LRP11: variants seen among roughly 807,000 people sequenced by gnomAD.
LRP11 encodes LDL receptor related protein 11, also known as low-density lipoprotein receptor-related protein 11.
In LRP11, 25 loss-of-function variants were observed where a neutral mutation model predicts 43.1. The ratio of observed to expected loss-of-function variants is 0.58; its 90% CI spans 0.42 to 0.81. LRP11 has a LOEUF of 0.81. Among genes scored for constraint, LRP11 ranks in the 30% least tolerant of loss-of-function variants. The pLI is 0.00. For missense variants in LRP11, 623 were observed against 665.1 expected (o/e 0.94, Z 0.70); for synonymous variants, 316 against 299.4 (o/e 1.06, Z -0.57).
In LRP11 at chr6:149,837,405, G is replaced by A. The variant is rs1057068099; in HGVS notation, c.972C>T (p.Asp324=). The A allele has an allele frequency of 1.2e-6, 2 of 1,614,020 alleles. No individual in the cohort carries two copies. The highest frequency in any genetic ancestry group is 1.3e-5 in the African/African-American group (1 of 74,912). Residue 324 remains aspartate, a synonymous_variant, in exon 4 of 7, where the codon GAC becomes GAT. Transcript: ENST00000239367. ...GCACTCCATCGCAGGCGAGCGTGAT[G>A]TCAATGCAGCAGCCATCGTCACAGA... ...HFFCDDGCCI[D]ITLACDGVQQ... is the part of the protein sequence containing the mutation.
rs1776698018 is a variant in LRP11 at position 149,850,176 on chromosome 6, A to C, written c.771+2827T>G. 2.6e-5 allele frequency among the ~76,000 whole-genome samples: 4 copies of C among 152,340 alleles called. No individual in the cohort carries two copies. The South Asian group carries it at 8.3e-4, about 32-fold the overall frequency. ...GGCATCCAATAACAGGTTTTAACTT[A>C]ACTATTTTGCTGTGTGACTGCCCTC... On this transcript the variant is annotated intron_variant, in intron 2 of 6. Transcript: ENST00000239367.
chr6:149,819,220 G>A lies in LRP11; in HGVS notation c.*1329C>T, dbSNP rs1776247262. On this transcript the variant is annotated 3_prime_UTR_variant, in exon 7 of 7. Transcript: ENST00000239367. Reference sequence around the variant, plus strand: ...ACCCGAATTAAACCCTTTGTTAAAAGAACAACCTACTTTAGGTTCAGTCTA... The same window carrying A: ...ACCCGAATTAAACCCTTTGTTAAAAAAACAACCTACTTTAGGTTCAGTCTA... The A allele has an allele frequency of 6.6e-6, 1 of 152,036 alleles. No individual in the cohort carries two copies. 9.4% of individuals were successfully genotyped at this position (152,036 alleles called of 1,614,324 possible). A position where few individuals can be genotyped will look rare whatever the true frequency, so the allele number is the denominator to read the frequency against.
intron 3 of LRP11, among the ~76,000 whole-genome samples, chr6:149,841,028 T>G (rs536601830): frequency 6.6e-6 from 1 of 152,326 alleles, no homozygotes; most frequent in African/African-American, 2.4e-5. Context: ...GTGCCTGTCC[T>G]GTCTGTGAAT....
At chr6:149,845,202 G>A (rs1178487105) in intron 2 of LRP11, among the ~76,000 whole-genome samples, 1 of 152,162 alleles carries the variant, frequency 6.6e-6, no homozygotes, top group African/African-American at 2.4e-5. Flanking sequence ...GATCAAATAA[G>A]GTAACTCATG....
intron 5 of LRP11, among the ~76,000 whole-genome samples, chr6:149,828,684 T>G (rs1340877496): frequency 6.6e-6 from 1 of 151,942 alleles, no homozygotes; most frequent in Non-Finnish European, 1.5e-5. Flanking sequence ...GAGATGGGGT[T>G]TTGCCATGTT....
intron 5 of LRP11, among the ~76,000 whole-genome samples, chr6:149,833,378 G>A (rs1035557095): frequency 6.6e-6 from 1 of 152,096 alleles, no homozygotes; most frequent in South Asian, 2.1e-4. Context: ...AGGATGTGAG[G>A]GCTCTTTCTA....
intron 3 of LRP11, among the ~76,000 whole-genome samples, chr6:149,839,608 T>G (rs971178765): frequency 2.6e-5 from 4 of 152,372 alleles, no homozygotes; most frequent in African/African-American, 9.6e-5. Context: ...TTTTTGATCA[T>G]GCATCCTGAT....
Position 149,864,128 on chromosome 6 carries a change from C to A in LRP11, c.-108G>T. The A allele has an allele frequency of 1.7e-6, 2 of 1,173,168 alleles. No homozygotes were observed. The highest frequency in any genetic ancestry group is 2.1e-6 in the Non-Finnish European group (2 of 951,352). The allele number at this position is 1,173,168 out of a possible 1,614,324, so 72.7% of individuals were successfully genotyped here. On this transcript the variant is annotated 5_prime_UTR_variant, in exon 1 of 7. Coordinates refer to ENST00000239367, the MANE Select transcript of LRP11 (RefSeq NM_032832.6). The stretch of plus-strand genomic sequence containing the variant: ...GCCCCTCCTGCGCGGCCGCGGCTGG[C>A]TCTAGGCCCCGGCCTCACAGCGCGG...
intron 6 of LRP11, among the ~76,000 whole-genome samples, chr6:149,825,655 G>C (rs1019863545): frequency 1.6e-5 from 2 of 127,914 alleles, no homozygotes; most frequent in African/African-American, 7.2e-5. Flanking sequence ...GGGTAAGTGA[G>C]AATTTTTTTT....
intron 1 of LRP11, among the ~76,000 whole-genome samples, chr6:149,860,699 A>G (rs1195937312): frequency 6.6e-6 from 1 of 152,072 alleles, no homozygotes; most frequent in Non-Finnish European, 1.5e-5. Flanking sequence ...CTCAGTCACT[A>G]CAAGACACCT....
chr6:149,842,679 G>T (rs1277414128), intron 3 of LRP11: 1 of 1,550,978 alleles, frequency 6.4e-7, no homozygotes, highest in Non-Finnish European at 8.7e-7. Context: ...CCATCCATCT[G>T]TAAACAAAGT....
At chr6:149,821,114 A>G (rs1418106577) in intron 6 of LRP11, among the ~76,000 whole-genome samples, 1 of 152,002 alleles carries the variant, frequency 6.6e-6, no homozygotes, top group Non-Finnish European at 1.5e-5. Context: ...TATTTTTAGT[A>G]GAGATGGGGT....
intron 3 of LRP11, among the ~76,000 whole-genome samples, chr6:149,842,342 A>G (rs1016740385): frequency 2.0e-5 from 3 of 152,158 alleles, no homozygotes; most frequent in Non-Finnish European, 2.9e-5. Flanking sequence ...GCATTGTGGA[A>G]TGATTACATC....
intron 1 of LRP11, among the ~76,000 whole-genome samples, chr6:149,855,693 A>G (rs1005568475): frequency 2.3e-5 from 3 of 132,556 alleles, no homozygotes; most frequent in Non-Finnish European, 4.6e-5. Flanking sequence ...CAAAGGGAAG[A>G]TGCCTTTTTT....
At chr6:149,836,640 C>T (rs1562439512) in intron 4 of LRP11, among the ~76,000 whole-genome samples, 1 of 152,034 alleles carries the variant, frequency 6.6e-6, no homozygotes, top group Non-Finnish European at 1.5e-5. Context: ...GGCAAAACCC[C>T]ATCTCTACAA....
intron 1 of LRP11, among the ~76,000 whole-genome samples, chr6:149,855,207 G>A (rs147350183): frequency 6.6e-6 from 1 of 152,318 alleles, no homozygotes; most frequent in East Asian, 1.9e-4. Context: ...TGGTGCCTGA[G>A]TACAAGGCCT....
In LRP11 at chr6:149,864,113, C is replaced by T. The variant is rs1776997039; in HGVS notation, c.-93G>A. ...GAGCGCGGGCCCTGGGCCCCTCCTGCGCGGCCGCGGCTGGCTCTAGGCCCC... is the reference window on the plus strand; with the variant it reads ...GAGCGCGGGCCCTGGGCCCCTCCTGTGCGGCCGCGGCTGGCTCTAGGCCCC... On this transcript the variant is annotated 5_prime_UTR_variant, in exon 1 of 7. Transcript: ENST00000239367. 7.6e-6 allele frequency: 9 copies of T among 1,188,442 alleles called. No homozygotes were observed. Among genetic ancestry groups the T allele is most frequent in the Non-Finnish European group, 8.3e-6 (8 of 961,462 alleles). The allele number at this position is 1,188,442 out of a possible 1,614,324, so 73.6% of individuals were successfully genotyped here.
Position 149,863,653 on chromosome 6 carries a change from G to A in LRP11, c.368C>T (p.Ala123Val), listed in dbSNP as rs1447045592. The change falls in exon 1 of 7, where the codon GCC (alanine) becomes GTC (valine). Residue 123 changes from alanine (A) to valine (V), a missense_variant. Ala to Val is a moderately conservative substitution (Grantham distance 64). Transcript: ENST00000239367. Reference protein sequence around the residue: ...AGASFLRAPAAVRGWRQCVAA... With the variant: ...AGASFLRAPAVVRGWRQCVAA... ...CACGCATTGCCGCCAGCCCCGCACGGCCGCCGGCGCCCGCAGGAAGCTGGC... is the reference window on the plus strand; with the variant it reads ...CACGCATTGCCGCCAGCCCCGCACGACCGCCGGCGCCCGCAGGAAGCTGGC... 1.5e-5 allele frequency: 22 copies of A among 1,473,342 alleles called. No homozygotes were observed. Among genetic ancestry groups the A allele is most frequent in the Admixed American group, 2.4e-5 (1 of 42,468 alleles). The allele number at this position is 1,473,342 out of a possible 1,614,324, so 91.3% of individuals were successfully genotyped here.
chr6:149,833,301 T>C (rs1411119300), intron 5 of LRP11, among the ~76,000 whole-genome samples: 2 of 152,212 alleles, frequency 1.3e-5, no homozygotes, highest in Non-Finnish European at 2.9e-5. Flanking sequence ...CTGAGGACTC[T>C]ACTCTGGTGG....
Sources: gnomAD v4.1 joint callset for allele counts (sites outside exome capture counted in the v4.1 genomes callset) on GRCh38, gnomAD v4.1.1 for gene constraint, MANE v1.5 for transcripts, NCBI Gene and HGNC (gene_info 2026-07-23, HGNC 2026-07-21) for gene names.